SYNJ2BP: variants seen among roughly 807,000 people sequenced by gnomAD.
The protein encoded by SYNJ2BP is synaptojanin 2 binding protein, also known as synaptojanin-2-binding protein.
A neutral mutation model predicts 16.9 loss-of-function variants in SYNJ2BP; 10 were observed. The ratio of observed to expected loss-of-function variants is 0.59; its 90% CI spans 0.36 to 1.00. The LOEUF (loss-of-function observed/expected upper bound fraction) is 1.00, where lower values mean the gene tolerates loss of function less well. Among genes scored for constraint, SYNJ2BP ranks in the 50% least tolerant of loss-of-function variants. The pLI is 0.01. For synonymous variants in SYNJ2BP, 54 were observed against 68.4 expected (o/e 0.79, Z 1.04); for missense variants, 162 against 186.7 (o/e 0.87, Z 0.77).
At chr14:70,413,696 G>C (rs1594965198) in intron 1 of SYNJ2BP, among the ~76,000 whole-genome samples, 1 of 152,174 alleles carries the variant, frequency 6.6e-6, no homozygotes, top group Non-Finnish European at 1.5e-5. Context: ...TACATGTCAA[G>C]CTTCTTTTGC....
In SYNJ2BP at chr14:70,416,909, C is replaced by A; in HGVS notation, c.55G>T (p.Gly19Trp). 1 of 1,614,162 alleles carries A rather than the reference C, an allele frequency of 6.2e-7. No homozygotes were observed. The highest frequency in any genetic ancestry group is 8.5e-7 in the Non-Finnish European group (1 of 1,180,036). The change falls in exon 1 of 4, where the codon GGG becomes TGG. Residue 19 changes from glycine (G) to tryptophan (W), a missense_variant. By Grantham distance (184) the Gly-to-Trp change is radical. Transcript: ENST00000256366. Reference protein sequence around the residue: ...VTEEEINLTRGPSGLGFNIVG... With the variant: ...VTEEEINLTRWPSGLGFNIVG... Reference sequence around the variant, plus strand: ...CCCTTTCCGCACATACCTGAGGGCCCTCTGGTAAGATTGATCTCTTCCTCA... The same window carrying A: ...CCCTTTCCGCACATACCTGAGGGCCATCTGGTAAGATTGATCTCTTCCTCA...
chr14:70,388,367 A>G (rs1452543030), intron 2 of SYNJ2BP, 103 bp downstream of exon 2: 21 of 1,380,260 alleles, frequency 1.5e-5, no homozygotes, highest in Non-Finnish European at 1.7e-5. Flanking sequence ...TACAACCTGT[A>G]TATTTCCAGA....
chr14:70,391,193 G>A (rs959367583), intron 1 of SYNJ2BP, among the ~76,000 whole-genome samples: 2 of 151,984 alleles, frequency 1.3e-5, no homozygotes, highest in African/African-American at 4.8e-5. Flanking sequence ...ATAATAGAAA[G>A]AATTTATTCT....
chr14:70,377,425 G>A lies in SYNJ2BP; in HGVS notation c.202-1654C>T, dbSNP rs146772955. Among the ~76,000 whole-genome samples the A allele has an allele frequency of 4.8e-3, 737 of 152,116 alleles. 7 individuals are homozygous for A. Among genetic ancestry groups the A allele is most frequent in the African/African-American group, 0.017 (701 of 41,480 alleles). On this transcript the variant is annotated intron_variant, in intron 2 of 3. Coordinates refer to ENST00000256366, the MANE Select transcript of SYNJ2BP (RefSeq NM_018373.3). ...CTGACTCCAGCTCATCCTTAAAACC[G>A]CTTCTACTCATTTGCTGAACTCCTT...
rs1230130044 is a variant in SYNJ2BP, at chr14:70,370,118, C to CT, written c.*2872dup. 1 of 152,192 alleles carries CT rather than the reference C, an allele frequency of 6.6e-6. No homozygotes were observed. Among genetic ancestry groups the CT allele is most frequent in the East Asian group, 1.9e-4 (1 of 5,208 alleles). The allele number at this position is 152,192 out of a possible 1,614,324, so 9.4% of individuals were successfully genotyped here. A position where few individuals can be genotyped will look rare whatever the true frequency, so the allele number is the denominator to read the frequency against. On this transcript the variant is annotated 3_prime_UTR_variant, in exon 4 of 4. Coordinates refer to ENST00000256366, the MANE Select transcript of SYNJ2BP (RefSeq NM_018373.3). ...AAGTTATAAGAGTACATCAGAATCT[C>CT]TATTATCAACCAAAGCAAAACTTCT...
Position 70,372,136 on chromosome 14 carries a change from A to AT in SYNJ2BP, c.*854dup, listed in dbSNP as rs977338100. ...TTTAATTAGTTGCTTCAGTTATTACATTTTTTTCTATTTTTTTTTTAAATA... is the reference window on the plus strand; with the variant it reads ...TTTAATTAGTTGCTTCAGTTATTACATTTTTTTTCTATTTTTTTTTTAAATA... On this transcript the variant is annotated 3_prime_UTR_variant, in exon 4 of 4. Coordinates refer to ENST00000256366, the MANE Select transcript of SYNJ2BP (RefSeq NM_018373.3). The AT allele has an allele frequency of 5.3e-5, 8 of 151,274 alleles. No individual in the cohort carries two copies. Among genetic ancestry groups the AT allele is most frequent in the African/African-American group, 1.7e-4 (7 of 41,108 alleles). The allele number at this position is 151,274 out of a possible 1,614,324, so 9.4% of individuals were successfully genotyped here.
intron 1 of SYNJ2BP, among the ~76,000 whole-genome samples, chr14:70,409,782 T>C (rs1388422353): frequency 6.6e-6 from 1 of 152,176 alleles, no homozygotes; most frequent in Non-Finnish European, 1.5e-5. Flanking sequence ...TTTTGAAAGC[T>C]GAAACAGATC....
At chr14:70,387,550 G>T (rs909987850) in intron 2 of SYNJ2BP, among the ~76,000 whole-genome samples, 1 of 152,100 alleles carries the variant, frequency 6.6e-6, no homozygotes, top group Non-Finnish European at 1.5e-5. Flanking sequence ...AAAGATCTTA[G>T]GCCGGGCCCG....
chr14:70,381,720 C>A (rs1432167942), intron 2 of SYNJ2BP, among the ~76,000 whole-genome samples: 1 of 152,216 alleles, frequency 6.6e-6, no homozygotes, highest in Non-Finnish European at 1.5e-5. Flanking sequence ...AGGCCTCATC[C>A]TAGCTGCACT....
chr14:70,390,632 C>T (rs530892858), intron 1 of SYNJ2BP, among the ~76,000 whole-genome samples: 8 of 151,008 alleles, frequency 5.3e-5, no homozygotes, highest in African/African-American at 1.5e-4. Context: ...TGCATCACTG[C>T]ACTCCAGCCT....
chr14:70,385,980 A>G (rs1343897620), intron 2 of SYNJ2BP, among the ~76,000 whole-genome samples: 1 of 152,230 alleles, frequency 6.6e-6, no homozygotes, highest in Non-Finnish European at 1.5e-5. Flanking sequence ...CCTGACATTT[A>G]GTGCTCAAAT....
chr14:70,407,152 G>A (rs553201397), intron 1 of SYNJ2BP, among the ~76,000 whole-genome samples: 71 of 152,228 alleles, frequency 4.7e-4, no homozygotes, highest in Non-Finnish European at 8.7e-4. Context: ...AAACCGGCCA[G>A]GTGCGGTGGC....
At chr14:70,391,763 T>A (rs1887985504) in intron 1 of SYNJ2BP, among the ~76,000 whole-genome samples, 1 of 152,188 alleles carries the variant, frequency 6.6e-6, no homozygotes, top group South Asian at 2.1e-4. Flanking sequence ...TACCGAGATT[T>A]ACCATAAACA....
intron 1 of SYNJ2BP, among the ~76,000 whole-genome samples, chr14:70,396,147 CT>C (rs1175870901): frequency 6.6e-6 from 1 of 152,106 alleles, no homozygotes; most frequent in African/African-American, 2.4e-5. Flanking sequence ...GAGATGGAGT[CT>C]TGCTCTGTCG....
At chr14:70,387,326 G>A (rs1287760221) in intron 2 of SYNJ2BP, among the ~76,000 whole-genome samples, 2 of 152,168 alleles carry the variant, frequency 1.3e-5, no homozygotes, top group Non-Finnish European at 2.9e-5. Flanking sequence ...TAGGATTACT[G>A]TGGCCCATGG....
chr14:70,412,580 GTA>G (rs1187679107), intron 1 of SYNJ2BP, among the ~76,000 whole-genome samples: 5 of 146,602 alleles, frequency 3.4e-5, no homozygotes, highest in South Asian at 2.1e-4. Flanking sequence ...TATATATACA[GTA>G]TATATATGTA....
chr14:70,399,597 G>A (rs1324745609), intron 1 of SYNJ2BP, among the ~76,000 whole-genome samples: 1 of 150,396 alleles, frequency 6.6e-6, no homozygotes, highest in South Asian at 2.1e-4. Context: ...TGCTGCTCCC[G>A]CAGCCACTCC....
chr14:70,382,510 T>G (rs1334242937), intron 2 of SYNJ2BP, among the ~76,000 whole-genome samples: 1 of 152,194 alleles, frequency 6.6e-6, no homozygotes, highest in Non-Finnish European at 1.5e-5. Context: ...CAGAGTTTGA[T>G]TCTGTAGGTC....
intron 1 of SYNJ2BP, among the ~76,000 whole-genome samples, chr14:70,405,099 G>C (rs1463558416): frequency 2.0e-5 from 3 of 152,100 alleles, no homozygotes; most frequent in African/African-American, 7.2e-5. Context: ...TGCACTTCAA[G>C]TTGTGTGACA....
Sources: gnomAD v4.1 joint callset for allele counts (sites outside exome capture counted in the v4.1 genomes callset) on GRCh38, gnomAD v4.1.1 for gene constraint, MANE v1.5 for transcripts, NCBI Gene and HGNC (gene_info 2026-07-23, HGNC 2026-07-21) for gene names.